RARB: variants seen among roughly 807,000 people sequenced by gnomAD.
RARB encodes HBV-activated protein.
Under a neutral mutation model 51.9 loss-of-function variants are expected in RARB, and 17 were observed. The observed-to-expected ratio is 0.33, with a 90% CI of 0.22 to 0.49. The LOEUF is 0.49. Among genes scored for constraint, RARB ranks in the 20% least tolerant of loss-of-function variants. RARB has a pLI of 0.99. For missense variants in RARB, 369 were observed against 550.8 expected (o/e 0.67, Z 3.30); for synonymous variants, 215 against 195.4 (o/e 1.10, Z -0.84).
chr3:24,958,255 G>GTTTTTTTTTTTTTTTTTTTTTT (rs71057692), intron 2 of RARB, among the ~76,000 whole-genome samples: 1 of 69,470 alleles, frequency 1.4e-5, no homozygotes, highest in African/African-American at 4.3e-5. Context: ...AGCTGCTCAG[G>GTTTTTTTTTTTTTTTTTTTTTT]TTTTTTTTTT....
intron 1 of RARB, among the ~76,000 whole-genome samples, chr3:24,855,903 C>T (rs1380764135): frequency 6.6e-6 from 1 of 151,994 alleles, no homozygotes; most frequent in Non-Finnish European, 1.5e-5. Context: ...AGGCCCCCAC[C>T]ACCACGCCCA....
chr3:25,173,436 G>T (rs1700681202), intron 4 of RARB, among the ~76,000 whole-genome samples: 1 of 152,126 alleles, frequency 6.6e-6, no homozygotes, highest in African/African-American at 2.4e-5. Context: ...GTCAACAAAT[G>T]GATGGATGGA....
At chr3:25,332,615 C>A (rs370302719) in intron 5 of RARB, among the ~76,000 whole-genome samples, 3 of 152,152 alleles carry the variant, frequency 2.0e-5, no homozygotes, top group Non-Finnish European at 2.9e-5. Flanking sequence ...AAAACTGGCA[C>A]AAGACAGGGA....
intron 3 of RARB, among the ~76,000 whole-genome samples, chr3:25,079,538 ATTAAG>A (rs1294150619): frequency 6.6e-6 from 1 of 152,170 alleles, no homozygotes; most frequent in Non-Finnish European, 1.5e-5. Flanking sequence ...CTAACCTTTT[ATTAAG>A]TTAAGAGGGT....
intron 5 of RARB, among the ~76,000 whole-genome samples, chr3:25,244,202 T>C (rs1702499190): frequency 6.6e-6 from 1 of 152,128 alleles, no homozygotes; most frequent in Non-Finnish European, 1.5e-5. Flanking sequence ...CTTCTCCTTT[T>C]CTTCTTTATT....
At chr3:25,421,518 T>G (rs1478136808) in intron 5 of RARB, among the ~76,000 whole-genome samples, 4 of 149,264 alleles carry the variant, frequency 2.7e-5, no homozygotes, top group Non-Finnish European at 5.9e-5. Context: ...TTCAAGCAAT[T>G]CTTCTGCCTT....
intron 5 of RARB, among the ~76,000 whole-genome samples, chr3:25,268,955 C>CA (rs1315887272): frequency 6.6e-6 from 1 of 152,040 alleles, no homozygotes; most frequent in Non-Finnish European, 1.5e-5. Flanking sequence ...TCCAGAAACT[C>CA]AAATAGTATC....
At chr3:25,268,205 G>C (rs1703169728) in intron 5 of RARB, among the ~76,000 whole-genome samples, 1 of 152,104 alleles carries the variant, frequency 6.6e-6, no homozygotes, top group African/African-American at 2.4e-5. Context: ...AGAGCATTTG[G>C]TGACTACCAC....
At chr3:24,871,839 ACTC>A (rs1442455789) in intron 2 of RARB, among the ~76,000 whole-genome samples, 1 of 151,958 alleles carries the variant, frequency 6.6e-6, no homozygotes, top group African/African-American at 2.4e-5. Flanking sequence ...ATTATTCTAT[ACTC>A]CTTTTTCTTT....
intron 5 of RARB, among the ~76,000 whole-genome samples, chr3:25,234,859 G>A (rs1702266631): frequency 6.6e-6 from 1 of 152,096 alleles, no homozygotes; most frequent in Admixed American, 6.6e-5. Flanking sequence ...CCTCTGGAGA[G>A]GCAGGTTTTT....
At chr3:25,416,795 G>A (rs957031631) in intron 5 of RARB, among the ~76,000 whole-genome samples, 3 of 152,208 alleles carry the variant, frequency 2.0e-5, no homozygotes, top group Non-Finnish European at 4.4e-5. Context: ...AGTTCTTTCA[G>A]AGGGGCACGT....
At chr3:25,174,915 A>G (rs1325651288) in intron 5 of RARB, among the ~76,000 whole-genome samples, 1 of 152,236 alleles carries the variant, frequency 6.6e-6, no homozygotes, top group African/African-American at 2.4e-5. Flanking sequence ...TTAGGAGATG[A>G]TACCATAAAA....
chr3:24,881,644 T>G (rs1366407747), intron 2 of RARB, among the ~76,000 whole-genome samples: 4 of 152,198 alleles, frequency 2.6e-5, no homozygotes, highest in African/African-American at 9.7e-5. Context: ...TTTTAAAAGT[T>G]ACTGGAATCC....
chr3:25,452,768 C>G (rs1709251191), intron 1 of RARB, among the ~76,000 whole-genome samples: 1 of 152,160 alleles, frequency 6.6e-6, no homozygotes, highest in East Asian at 1.9e-4. Flanking sequence ...TTCTAAGGTG[C>G]TCAGTTCTCC....
intron 2 of RARB, among the ~76,000 whole-genome samples, chr3:25,466,312 C>T (rs537252913): frequency 4.6e-5 from 7 of 152,238 alleles, no homozygotes; most frequent in South Asian, 2.1e-4. Flanking sequence ...CTCAGCCTCC[C>T]GAGTAGCTGG....
intron 2 of RARB, among the ~76,000 whole-genome samples, chr3:25,022,661 T>A (rs1697663640): frequency 6.6e-6 from 1 of 152,122 alleles, no homozygotes; most frequent in Non-Finnish European, 1.5e-5. Context: ...ACATTGTAGA[T>A]TTAATTGAAT....
intron 5 of RARB, among the ~76,000 whole-genome samples, chr3:25,351,003 C>T (rs992166539): frequency 6.6e-5 from 10 of 152,174 alleles, no homozygotes; most frequent in Non-Finnish European, 1.3e-4. Context: ...TTTGTGCTCC[C>T]GTTTCCGAAC....
chr3:25,004,050 C>T (rs944739835), intron 2 of RARB, among the ~76,000 whole-genome samples: 4 of 152,158 alleles, frequency 2.6e-5, no homozygotes, highest in South Asian at 2.1e-4. Context: ...GTTTTTCTTA[C>T]CTGAAGTCTA....
chr3:25,135,850 C>T (rs1281723592), intron 4 of RARB, among the ~76,000 whole-genome samples: 1 of 151,858 alleles, frequency 6.6e-6, no homozygotes, highest in Non-Finnish European at 1.5e-5. Context: ...GGGCAAACTC[C>T]AGAGAATGTC....
Sources: allele counts gnomAD v4.1 joint callset (sites outside exome capture counted in the v4.1 genomes callset), GRCh38; gene constraint gnomAD v4.1.1; transcripts MANE v1.5; gene names NCBI Gene and HGNC (gene_info 2026-07-23, HGNC 2026-07-21).